Variants in ZNF81 observed in about 807,000 individuals in gnomAD.
ZNF81 encodes the protein zinc finger protein 81, also known as zinc finger protein 81 (HFZ20).
In ZNF81, 5 loss-of-function variants were observed where a neutral mutation model predicts 32.3. The ratio of observed to expected loss-of-function variants is 0.15; its 90% CI spans 0.08 to 0.33. The LOEUF (loss-of-function observed/expected upper bound fraction) is 0.33, where lower values mean the gene tolerates loss of function less well. ZNF81 is among the 10% of genes least tolerant of loss of function. The pLI is 1.00. For synonymous variants in ZNF81, 163 were observed against 166.8 expected, an observed-to-expected ratio of 0.98 and a Z score of 0.17; for missense variants, 379 against 479.8, an observed-to-expected ratio of 0.79 and a Z score of 1.96.
At chrX:47,879,010 G>T (rs2058610712) in intron 2 of ZNF81, among the ~76,000 whole-genome samples, 1 of 111,379 alleles carries the variant, frequency 9.0e-6, no homozygotes, top group Admixed American at 9.5e-5. Flanking sequence ...AGTGAGTCCA[G>T]TTCTTCTCAC....
At chrX:47,858,792 A>G (rs2058527305) in intron 2 of ZNF81, among the ~76,000 whole-genome samples, 1 of 111,320 alleles carries the variant, frequency 9.0e-6, no homozygotes, top group African/African-American at 3.3e-5. Flanking sequence ...TGTTCTTTCT[A>G]ATAATTTGAA....
At chrX:47,884,315 C>T (rs917665822) in intron 2 of ZNF81, among the ~76,000 whole-genome samples, 2 of 106,736 alleles carry the variant, frequency 1.9e-5, no homozygotes, top group East Asian at 5.8e-4. Context: ...TGGCTCTTCT[C>T]GCTTGCTCTG....
chrX:47,841,582 C>T (rs1603160847), intron 1 of ZNF81: 3 of 1,014,374 alleles, frequency 3.0e-6, no homozygotes, highest in East Asian at 3.0e-5. Context: ...CTTTCCTCTG[C>T]TCCTTCTTTG....
chrX:47,847,366 C>T (rs1029372656), intron 2 of ZNF81, among the ~76,000 whole-genome samples: 10 of 111,586 alleles, frequency 9.0e-5, no homozygotes, highest in Admixed American at 4.8e-4. Context: ...AGGTCCAAGC[C>T]GCCATGCCCA....
At chrX:47,913,891 A>T (rs1556890209) in intron 4 of ZNF81, among the ~76,000 whole-genome samples, 1 of 111,628 alleles carries the variant, frequency 9.0e-6, no homozygotes, top group African/African-American at 3.3e-5. Context: ...TCAAAGTGTG[A>T]ACACTCATCC....
At chrX:47,868,873 C>T (rs1292288111) in intron 2 of ZNF81, among the ~76,000 whole-genome samples, 1 of 95,352 alleles carries the variant, frequency 1.0e-5, no homozygotes, top group East Asian at 3.5e-4. Context: ...AAACCATCTA[C>T]CTATAATCCT....
intron 3 of ZNF81, among the ~76,000 whole-genome samples, chrX:47,893,844 A>G (rs1308764386): frequency 9.1e-6 from 1 of 109,679 alleles, no homozygotes; most frequent in Non-Finnish European, 1.9e-5. Context: ...GCTTCAGTGG[A>G]CTGTCATCCA....
At chrX:47,846,698 T>C (rs781953775) in intron 2 of ZNF81, among the ~76,000 whole-genome samples, 2 of 112,025 alleles carry the variant, frequency 1.8e-5, no homozygotes, top group South Asian at 7.4e-4. Flanking sequence ...AAAAAGCTCT[T>C]CCATGCTTTG....
intron 4 of ZNF81, among the ~76,000 whole-genome samples, chrX:47,903,220 C>T (rs1603206017): frequency 9.4e-6 from 1 of 106,454 alleles, no homozygotes; most frequent in South Asian, 4.3e-4. Context: ...GGCAATTAGG[C>T]AGGAGAAGGA....
At chrX:47,894,105 A>G (rs1556886852) in intron 3 of ZNF81, among the ~76,000 whole-genome samples, 1 of 112,016 alleles carries the variant, frequency 8.9e-6, no homozygotes, top group African/African-American at 3.2e-5. Flanking sequence ...ACTGGGCTCA[A>G]TTCCAAATAC....
intron 2 of ZNF81, among the ~76,000 whole-genome samples, chrX:47,872,544 G>GA (rs1287167059): frequency 4.3e-4 from 48 of 111,107 alleles, no homozygotes; most frequent in African/African-American, 1.5e-3. Flanking sequence ...TAGAGGAACA[G>GA]AAAAAAAATG....
At chrX:47,904,891 T>G (rs1379590193) in intron 4 of ZNF81, among the ~76,000 whole-genome samples, 5 of 111,315 alleles carry the variant, frequency 4.5e-5, no homozygotes, top group African/African-American at 9.8e-5. Flanking sequence ...CCATAAAAAA[T>G]GATGAGTTCA....
chrX:47,897,954 A>G (rs1482046544), intron 4 of ZNF81, among the ~76,000 whole-genome samples: 4 of 111,851 alleles, frequency 3.6e-5, no homozygotes, highest in Non-Finnish European at 7.5e-5. Context: ...GTTTGTTATA[A>G]TTCCCAAGAG....
intron 2 of ZNF81, among the ~76,000 whole-genome samples, chrX:47,873,507 T>C (rs2058588047): frequency 8.9e-6 from 1 of 111,832 alleles, no homozygotes; most frequent in Admixed American, 9.5e-5. Flanking sequence ...TTCTGCATCC[T>C]CTGGGGTCTC....
chrX:47,842,484 C>T (rs1208835113), intron 1 of ZNF81, among the ~76,000 whole-genome samples: 1 of 111,641 alleles, frequency 9.0e-6, no homozygotes, highest in Non-Finnish European at 1.9e-5. Flanking sequence ...AACTCAACCA[C>T]TGTGCTGTTC....
chrX:47,914,966 G>T lies in ZNF81; in HGVS notation c.320G>T (p.Gly107Val), dbSNP rs781903883. 3.3e-6 allele frequency: 4 copies of T among 1,207,566 alleles called. No individual in the cohort carries two copies. The Admixed American group carries it at 8.8e-5, about 27-fold the overall frequency. ...GIKPSQRRIS[G>V]KSTFHSEMEG... Reference sequence around the variant, plus strand: ...AAGCCTTCCCAGAGGAGAATTTCTGGGAAATCTACATTTCATAGTGAAATG... The same window carrying T: ...AAGCCTTCCCAGAGGAGAATTTCTGTGAAATCTACATTTCATAGTGAAATG... Residue 107 changes from glycine to valine, a missense_variant, in exon 5 of 5, where the codon GGG (glycine) becomes GTG (valine). By Grantham distance (109) the Gly-to-Val change is moderately radical. This residue lies in a region of ZNF81 where 277 missense variants were observed against 306.6 expected (regional missense o/e 0.90). Coordinates refer to ENST00000338637, the MANE Select transcript of ZNF81 (RefSeq NM_007137.5).
In ZNF81 at chrX:47,917,758, A is replaced by G. The variant is rs989075893; in HGVS notation, c.*1126A>G. ...TGATTTACAGAATTGTGAGATAAATAAAATGATGATAGTTTTAAGCAACAT... is the reference window on the plus strand; with the variant it reads ...TGATTTACAGAATTGTGAGATAAATGAAATGATGATAGTTTTAAGCAACAT... On this transcript the variant is annotated 3_prime_UTR_variant, in exon 5 of 5. Coordinates refer to ENST00000338637, the MANE Select transcript of ZNF81 (RefSeq NM_007137.5). 8.7e-5 allele frequency: 10 copies of G among 115,597 alleles called. No homozygotes were observed. The highest frequency in any genetic ancestry group is 2.9e-4 in the African/African-American group (9 of 30,921). The allele number at this position is 115,597 out of a possible 1,213,427, so 9.5% of individuals were successfully genotyped here. A position where few individuals can be genotyped will look rare whatever the true frequency, so the allele number is the denominator to read the frequency against.
At position 47,915,643 on chromosome X, in the gene ZNF81, A is replaced by G; in HGVS notation, c.997A>G (p.Thr333Ala). Residue 333 changes from threonine (T) to alanine (A), a missense_variant, in exon 5 of 5, where the codon ACT becomes GCT. By Grantham distance (58) the Thr-to-Ala change is moderately conservative (BLOSUM62 0). Coordinates refer to ENST00000338637, the MANE Select transcript of ZNF81 (RefSeq NM_007137.5). The stretch of plus-strand genomic sequence containing the variant: ...TAGAGATGAAAAACTCTACATATGT[A>G]CTAAATGTGGGAAGGCCTTCATCCA... ...VHRDEKLYIC[T>A]KCGKAFIQNS... is the part of the protein sequence containing the mutation. 2.5e-6 allele frequency: 3 copies of G among 1,210,496 alleles called. No individual in the cohort carries two copies. The highest frequency in any genetic ancestry group is 1.7e-5 in the African/African-American group (1 of 57,806).
In ZNF81 at chrX:47,915,947, G is replaced by T; in HGVS notation, c.1301G>T (p.Arg434Ile). The change falls in exon 5 of 5, where the codon AGA (arginine) becomes ATA (isoleucine). Residue 434 changes from arginine to isoleucine, a missense_variant. Coordinates refer to ENST00000338637, the MANE Select transcript of ZNF81 (RefSeq NM_007137.5). ...TQKSTLRMHQRIHTGERSYIC... is the reference protein window; with the variant it reads ...TQKSTLRMHQIIHTGERSYIC... The stretch of plus-strand genomic sequence containing the variant: ...AAATCAACACTCAGGATGCATCAGA[G>T]AATTCATACAGGAGAGAGGTCCTAT... The T allele has an allele frequency of 1.7e-6, 2 of 1,211,165 alleles. No individual in the cohort carries two copies. Among genetic ancestry groups the T allele is most frequent in the Non-Finnish European group, 1.1e-6 (1 of 895,343 alleles).
Sources: allele counts gnomAD v4.1 joint callset (sites outside exome capture counted in the v4.1 genomes callset), GRCh38; gene constraint gnomAD v4.1.1; regional missense constraint gnomAD v4.1.1; transcripts MANE v1.5; gene names NCBI Gene and HGNC (gene_info 2026-07-23, HGNC 2026-07-21).